QTGAL: variants seen among roughly 807,000 people sequenced by gnomAD.
QTGAL encodes queuosine-tRNA galactosyltransferase, also known as BGnT-like protein 1.
the QTGAL span, among the ~76,000 whole-genome samples, chr17:82,993,190 A>G: frequency 0.022 from 3,333 of 152,230 alleles, 98 homozygotes; most frequent in African/African-American, 0.076. Context: ...TGAATGGATT[A>G]AAAAACAAGA....
At chr17:82,958,228 C>T in the QTGAL span, among the ~76,000 whole-genome samples, 1 of 152,236 alleles carries the variant, frequency 6.6e-6, no homozygotes, top group Non-Finnish European at 1.5e-5. Context: ...GCAGGGGATG[C>T]AGAGGCCAAC....
At chr17:82,994,368 C>A in the QTGAL span, among the ~76,000 whole-genome samples, 5 of 151,946 alleles carry the variant, frequency 3.3e-5, no homozygotes, top group East Asian at 3.9e-4. Context: ...AGCAAGTATA[C>A]ACCAATAAAT....
the QTGAL span, chr17:82,956,772 G>C: frequency 1.3e-6 from 2 of 1,576,202 alleles, no homozygotes; most frequent in South Asian, 2.3e-5. This position sits in a 1 kb window ranked among gnomAD's most constrained non-coding sequence, Gnocchi z 5.7. Flanking sequence ...GGTCTTTCCT[G>C]AGAGTGACAG....
At chr17:82,984,511 GCC>G in the QTGAL span, among the ~76,000 whole-genome samples, 1 of 145,994 alleles carries the variant, frequency 6.8e-6, no homozygotes, top group Non-Finnish European at 1.5e-5. Context: ...GCAGGGAGAG[GCC>G]ACAGGAGGAT....
the QTGAL span, chr17:82,947,200 G>C: frequency 2.3e-5 from 12 of 518,940 alleles, no homozygotes; most frequent in South Asian, 2.7e-5. Flanking sequence ...CCAGAGGGGA[G>C]GCCCCCCCTG....
chr17:82,965,657 TC>T, the QTGAL span: 3 of 1,608,054 alleles, frequency 1.9e-6, no homozygotes, highest in East Asian at 4.5e-5. Flanking sequence ...TTACCTGACC[TC>T]CCTCGTTAAA....
the QTGAL span, among the ~76,000 whole-genome samples, chr17:83,027,527 C>A: frequency 6.6e-6 from 1 of 151,968 alleles, no homozygotes. Context: ...ACATCTTCTG[C>A]TCAAGACACC....
the QTGAL span, chr17:82,957,044 G>A: frequency 7.9e-7 from 1 of 1,263,994 alleles, no homozygotes; most frequent in East Asian, 2.3e-5. Flanking sequence ...CAAGAATGGG[G>A]GCTGGGCTCC....
chr17:82,957,108 G>A, the QTGAL span: 1 of 1,586,244 alleles, frequency 6.3e-7, no homozygotes, highest in Non-Finnish European at 8.7e-7. Flanking sequence ...AAGGGGGAAG[G>A]CTCGGAGCAG....
chr17:83,002,395 G>C, the QTGAL span, among the ~76,000 whole-genome samples: 1 of 152,182 alleles, frequency 6.6e-6, no homozygotes, highest in African/African-American at 2.4e-5. Flanking sequence ...CGAGGTGCAC[G>C]TTACTTAGAA....
chr17:82,988,795 CA>C, the QTGAL span, among the ~76,000 whole-genome samples: 1 of 151,836 alleles, frequency 6.6e-6, no homozygotes, highest in Non-Finnish European at 1.5e-5. Context: ...ACCAAAACCA[CA>C]ATGAGATACC....
At chr17:82,956,687 A>G in the QTGAL span, 5 of 1,569,128 alleles carry the variant, frequency 3.2e-6, no homozygotes, top group Non-Finnish European at 3.5e-6. The surrounding 1 kb of genome is among the most constrained non-coding windows in gnomAD (Gnocchi z 5.7). Flanking sequence ...CAAGGGCCCC[A>G]CACTCACCAG....
At chr17:83,031,574 A>T in the QTGAL span, among the ~76,000 whole-genome samples, 31 of 152,310 alleles carry the variant, frequency 2.0e-4, no homozygotes, top group Admixed American at 7.2e-4. Context: ...TGGCCATGGG[A>T]CAGTCACGGG....
At chr17:83,027,444 C>G in the QTGAL span, among the ~76,000 whole-genome samples, 1 of 152,158 alleles carries the variant, frequency 6.6e-6, no homozygotes, top group Non-Finnish European at 1.5e-5. Context: ...ACTTCTCCTT[C>G]GGGGTGAGCA....
the QTGAL span, among the ~76,000 whole-genome samples, chr17:83,045,806 C>CATTT: frequency 2.0e-5 from 3 of 151,908 alleles, no homozygotes; most frequent in Non-Finnish European, 4.4e-5. Context: ...GGAAGATATA[C>CATTT]ATTTATTTAT....
At chr17:82,996,040 G>C in the QTGAL span, among the ~76,000 whole-genome samples, 1 of 152,172 alleles carries the variant, frequency 6.6e-6, no homozygotes, top group African/African-American at 2.4e-5. Flanking sequence ...AACCAAAGGA[G>C]TGAAAGATCT....
At chr17:82,947,052 C>T in the QTGAL span, 2 of 1,376,410 alleles carry the variant, frequency 1.5e-6, no homozygotes, top group Non-Finnish European at 2.0e-6. Context: ...GAGCCTCCTC[C>T]AGGGCCAGGG....
At chr17:82,972,357 G>T in the QTGAL span, among the ~76,000 whole-genome samples, 1 of 114,044 alleles carries the variant, frequency 8.8e-6, no homozygotes, top group African/African-American at 3.8e-5. Flanking sequence ...CCACACCACA[G>T]GGGATAGAAG....
At chr17:83,048,419 G>A in the QTGAL span, 22 of 1,474,656 alleles carry the variant, frequency 1.5e-5, no homozygotes, top group African/African-American at 2.8e-5. Context: ...CGGTACGTAA[G>A]TTGATAAGAA....
Sources: gnomAD v4.1 joint callset for allele counts (sites outside exome capture counted in the v4.1 genomes callset) on GRCh38, gnomAD v4.1.1 for gene constraint, Gnocchi (gnomAD v3.1) non-coding constraint, MANE v1.5 for transcripts, NCBI Gene and HGNC (gene_info 2026-07-23, HGNC 2026-07-21) for gene names.